DPP10: variants seen among roughly 807,000 people sequenced by gnomAD.
DPP10 encodes the protein inactive dipeptidyl peptidase 10.
A neutral mutation model predicts 120.9 loss-of-function variants in DPP10; 33 were observed. The observed-to-expected ratio is 0.27, with a 90% confidence interval of 0.21 to 0.37. DPP10 has a LOEUF of 0.37. Among genes scored for constraint, DPP10 ranks in the 10% least tolerant of loss-of-function variants. The pLI, the probability that DPP10 is intolerant of heterozygous loss-of-function variation, is 1.00. For synonymous variants in DPP10, 337 were observed against 326.1 expected (o/e 1.03, Z -0.36); for missense variants, 816 against 942.8 (o/e 0.87, Z 1.76).
chr2:115,373,865 G>A (rs2065592345), intron 3 of DPP10, among the ~76,000 whole-genome samples: 1 of 131,684 alleles, frequency 7.6e-6, no homozygotes, highest in African/African-American at 2.8e-5. Context: ...AAGCAAGCAT[G>A]TCTCACCATA....
intron 1 of DPP10, among the ~76,000 whole-genome samples, chr2:114,959,340 T>G (rs1205472952): frequency 1.3e-5 from 2 of 152,210 alleles, no homozygotes; most frequent in East Asian, 3.8e-4. Context: ...ATGTGGCCTT[T>G]TGTGTCTGGT....
chr2:115,059,893 T>A, intron 1 of DPP10, among the ~76,000 whole-genome samples: 1 of 152,090 alleles, frequency 6.6e-6, no homozygotes, highest in East Asian at 1.9e-4. Context: ...GAAAGAGACA[T>A]GTCTAATATT....
At chr2:115,146,253 T>A (rs1488289140) in intron 1 of DPP10, among the ~76,000 whole-genome samples, 1 of 152,072 alleles carries the variant, frequency 6.6e-6, no homozygotes, top group African/African-American at 2.4e-5. Flanking sequence ...AATTCTGAAT[T>A]GTAAAATATT....
At chr2:115,287,708 A>G (rs543314355) in intron 1 of DPP10, among the ~76,000 whole-genome samples, 40 of 152,072 alleles carry the variant, frequency 2.6e-4, no homozygotes, top group African/African-American at 6.3e-4. Context: ...ATTGCTGTGC[A>G]CCAACAATGA....
intron 1 of DPP10, among the ~76,000 whole-genome samples, chr2:115,230,122 G>T (rs532648864): frequency 1.3e-5 from 2 of 151,792 alleles, no homozygotes; most frequent in East Asian, 3.9e-4. Context: ...AGTTTTTATT[G>T]TAGAAATTGT....
intron 1 of DPP10, among the ~76,000 whole-genome samples, chr2:115,190,796 TG>T (rs1388713576): frequency 6.6e-6 from 1 of 152,248 alleles, no homozygotes; most frequent in Non-Finnish European, 1.5e-5. Context: ...CTGGCCTGCC[TG>T]TCGCACATAA....
intron 5 of DPP10, among the ~76,000 whole-genome samples, chr2:115,556,810 G>C (rs993795392): frequency 6.6e-6 from 1 of 152,016 alleles, no homozygotes. Context: ...ATCTGAAAAC[G>C]GCCAAAAACT....
At chr2:115,060,599 T>C (rs1006579654) in intron 1 of DPP10, among the ~76,000 whole-genome samples, 2 of 152,138 alleles carry the variant, frequency 1.3e-5, no homozygotes, top group African/African-American at 2.4e-5. Flanking sequence ...CTCAAATTGA[T>C]AGATAGAATA....
At chr2:115,128,497 G>C (rs1426949159) in intron 1 of DPP10, among the ~76,000 whole-genome samples, 2 of 152,066 alleles carry the variant, frequency 1.3e-5, no homozygotes, top group Non-Finnish European at 2.9e-5. Flanking sequence ...AAGACCCTGA[G>C]ATATTGATAG....
chr2:114,681,846 A>G (rs1699049383), intron 1 of DPP10, among the ~76,000 whole-genome samples: 1 of 152,018 alleles, frequency 6.6e-6, no homozygotes, highest in Non-Finnish European at 1.5e-5. Flanking sequence ...ATCATAATCC[A>G]TGTTGTGAGA....
intron 1 of DPP10, among the ~76,000 whole-genome samples, chr2:114,903,390 A>G (rs187763803): frequency 2.0e-5 from 3 of 152,210 alleles, no homozygotes; most frequent in Non-Finnish European, 2.9e-5. Context: ...ACTATTTTGC[A>G]TTCCCACCAG....
At chr2:114,815,842 GT>G (rs1685598466) in intron 1 of DPP10, among the ~76,000 whole-genome samples, 1 of 148,108 alleles carries the variant, frequency 6.8e-6, no homozygotes. Flanking sequence ...TCAGCCACCT[GT>G]TTTTTGTTTA....
intron 1 of DPP10, among the ~76,000 whole-genome samples, chr2:114,751,157 A>G (rs1679182521): frequency 6.6e-6 from 1 of 152,348 alleles, no homozygotes; most frequent in African/African-American, 2.4e-5. Context: ...ACGAATTTTA[A>G]TAAGTTTCAT....
At chr2:114,989,525 CT>C (rs1486532041) in intron 1 of DPP10, among the ~76,000 whole-genome samples, 1 of 152,124 alleles carries the variant, frequency 6.6e-6, no homozygotes, top group Non-Finnish European at 1.5e-5. Flanking sequence ...TCTTGATATC[CT>C]GTGTTAATAC....
intron 10 of DPP10, among the ~76,000 whole-genome samples, chr2:115,752,718 T>C (rs1678902980): frequency 6.6e-6 from 1 of 152,172 alleles, no homozygotes; most frequent in Admixed American, 6.6e-5. Context: ...TCTTTGCCTT[T>C]TAACTGGAAG....
chr2:114,788,718 G>A (rs939474752), intron 1 of DPP10, among the ~76,000 whole-genome samples: 3 of 152,156 alleles, frequency 2.0e-5, no homozygotes, highest in Non-Finnish European at 4.4e-5. Context: ...TACTGGATAT[G>A]ATTGTTTTAA....
intron 1 of DPP10, among the ~76,000 whole-genome samples, chr2:114,774,551 G>A (rs1055654799): frequency 3.3e-5 from 5 of 150,532 alleles, no homozygotes; most frequent in African/African-American, 1.2e-4. Flanking sequence ...AGGAGAAAAT[G>A]TAAGAAACTT....
intron 2 of DPP10, among the ~76,000 whole-genome samples, chr2:115,323,113 C>A (rs1487764306): frequency 6.6e-6 from 1 of 152,134 alleles, no homozygotes; most frequent in Non-Finnish European, 1.5e-5. Flanking sequence ...GCATTTTCTC[C>A]ACAATAGACC....
intron 1 of DPP10, among the ~76,000 whole-genome samples, chr2:114,733,718 T>A (rs1677141656): frequency 6.6e-6 from 1 of 152,214 alleles, no homozygotes; most frequent in African/African-American, 2.4e-5. Flanking sequence ...ATAGCAACTT[T>A]TATTTTCTCA....
Sources: allele counts gnomAD v4.1 joint callset (sites outside exome capture counted in the v4.1 genomes callset), GRCh38; gene constraint gnomAD v4.1.1; transcripts MANE v1.5; gene names NCBI Gene and HGNC (gene_info 2026-07-23, HGNC 2026-07-21).